Variants in PPP2R2B observed in about 807,000 individuals in gnomAD.
The protein encoded by PPP2R2B is serine/threonine-protein phosphatase 2A 55 kDa regulatory subunit B beta isoform.
PPP2R2B carries 5 observed loss-of-function variants against 46.0 expected under a neutral mutation model. The observed-to-expected ratio is 0.11, with a 90% confidence interval of 0.06 to 0.23. The LOEUF is 0.23. Among genes scored for constraint, PPP2R2B ranks in the 10% least tolerant of loss-of-function variants. PPP2R2B has a pLI of 1.00. For synonymous variants in PPP2R2B, 215 were observed against 206.7 expected, an observed-to-expected ratio of 1.04 and a Z score of -0.34; for missense variants, 367 against 575.0, an observed-to-expected ratio of 0.64 and a Z score of 3.70.
chr5:146,656,434 AGTGCACTG>A, intron 5 of PPP2R2B: 1 of 152,634 alleles, frequency 6.6e-6, no homozygotes, highest in Admixed American at 6.6e-5. Flanking sequence ...CCCAGGCTGG[AGTGCACTG>A]GTGATTCACA....
chr5:146,707,651 G>C (rs1469967075), intron 2 of PPP2R2B: 1 of 575,486 alleles, frequency 1.7e-6, no homozygotes, highest in African/African-American at 1.9e-5. Context: ...GATTCCAGAA[G>C]GAGTGGAGAA....
At chr5:146,682,736 C>G (rs1778259481) in intron 5 of PPP2R2B, among the ~76,000 whole-genome samples, 1 of 152,176 alleles carries the variant, frequency 6.6e-6, no homozygotes, top group Admixed American at 6.6e-5. Flanking sequence ...AGGCTGTCCC[C>G]CATGACTTGA....
intron 1 of PPP2R2B, among the ~76,000 whole-genome samples, chr5:147,011,981 A>G (rs1252059699): frequency 2.1e-5 from 3 of 144,868 alleles, no homozygotes; most frequent in African/African-American, 5.0e-5. Context: ...TCGGTTTGCC[A>G]GTATTTTATT....
chr5:147,059,156 T>C (rs74774435), upstream of PPP2R2B, among the ~76,000 whole-genome samples: 1,220 of 152,248 alleles, frequency 8.0e-3, 22 homozygotes, highest in African/African-American at 0.028. Context: ...ACCCCTGCTC[T>C]AAAGAAGTGC....
At chr5:146,606,710 T>G (rs565138058) in intron 7 of PPP2R2B, among the ~76,000 whole-genome samples, 1 of 152,294 alleles carries the variant, frequency 6.6e-6, no homozygotes. Context: ...TACTGATTTC[T>G]GGGTTTTCTG....
intron 1 of PPP2R2B, among the ~76,000 whole-genome samples, chr5:146,963,748 C>T (rs748150521): frequency 1.1e-4 from 16 of 152,140 alleles, no homozygotes; most frequent in Non-Finnish European, 1.6e-4. Flanking sequence ...CTGCTAACAC[C>T]TTGCACAGCC....
intron 1 of PPP2R2B, among the ~76,000 whole-genome samples, chr5:147,003,256 C>T (rs1264368983): frequency 3.3e-5 from 5 of 152,088 alleles, no homozygotes; most frequent in Non-Finnish European, 7.4e-5. Flanking sequence ...TAAGCCTCCT[C>T]TAATCTCCCC....
At chr5:146,895,994 G>A (rs551471004) in intron 1 of PPP2R2B, among the ~76,000 whole-genome samples, 8 of 152,132 alleles carry the variant, frequency 5.3e-5, no homozygotes, top group African/African-American at 1.4e-4. Context: ...ATTACTGTTT[G>A]ACAATTCATC....
At chr5:146,983,402 G>C (rs549055074) in intron 1 of PPP2R2B, among the ~76,000 whole-genome samples, 5 of 152,024 alleles carry the variant, frequency 3.3e-5, no homozygotes, top group South Asian at 4.1e-4. Flanking sequence ...GGATGGTCTT[G>C]ATCTCCTGAC....
intron 2 of PPP2R2B, among the ~76,000 whole-genome samples, chr5:146,751,889 G>A (rs562633213): frequency 1.3e-5 from 2 of 152,314 alleles, no homozygotes; most frequent in South Asian, 4.2e-4. Flanking sequence ...CAAAGAGCCT[G>A]ACGCAGGAGC....
At chr5:146,856,820 C>G (rs1489490619) in intron 2 of PPP2R2B, among the ~76,000 whole-genome samples, 2 of 152,154 alleles carry the variant, frequency 1.3e-5, no homozygotes, top group African/African-American at 4.8e-5. Flanking sequence ...AGAAGACAGA[C>G]AGAGAGCCAC....
chr5:146,951,036 G>T (rs988848226), intron 1 of PPP2R2B, among the ~76,000 whole-genome samples: 2 of 151,956 alleles, frequency 1.3e-5, no homozygotes, highest in African/African-American at 4.8e-5. Context: ...GATTTTTCAT[G>T]ATTGAAAGAC....
intron 2 of PPP2R2B, among the ~76,000 whole-genome samples, chr5:146,826,569 C>A (rs1758590800): frequency 6.6e-6 from 1 of 152,142 alleles, no homozygotes; most frequent in African/African-American, 2.4e-5. Context: ...TACCACCTAC[C>A]AATTTACCAA....
At chr5:147,055,555 A>C (rs1390871163) in intron 1 of PPP2R2B, 2 of 925,704 alleles carry the variant, frequency 2.2e-6, no homozygotes, top group Non-Finnish European at 3.4e-6. Context: ...TTTGCCAGGA[A>C]TGACAGTCAC....
At chr5:146,920,021 A>C (rs1305973719) in intron 1 of PPP2R2B, among the ~76,000 whole-genome samples, 3 of 152,160 alleles carry the variant, frequency 2.0e-5, no homozygotes, top group Non-Finnish European at 4.4e-5. Context: ...TGGGCTTACA[A>C]ATATAAGTAA....
At chr5:146,644,917 C>A (rs1276413119) in intron 6 of PPP2R2B, among the ~76,000 whole-genome samples, 1 of 152,172 alleles carries the variant, frequency 6.6e-6, no homozygotes, top group East Asian at 1.9e-4. Flanking sequence ...GCTGATTTTG[C>A]TAATACTGAC....
Position 146,697,999 on chromosome 5 carries a change from T to G in PPP2R2B, c.314A>C (p.Tyr105Ser). Residue 105 changes from tyrosine (Y) to serine (S), a missense_variant, in exon 4 of 10, where the codon TAC becomes TCC. Transcript: ENST00000394411. Reference protein sequence around the residue: ...IRWLPQQNAAYFLLSTNDKTV... With the variant: ...IRWLPQQNAASFLLSTNDKTV... Reference sequence around the variant, plus strand: ...CCTACCATTAGTAGACAGAAGAAAGTAAGCTGCATTCTGCTGGGGGAGCCA... The same window carrying G: ...CCTACCATTAGTAGACAGAAGAAAGGAAGCTGCATTCTGCTGGGGGAGCCA... The G allele has an allele frequency of 6.2e-7, 1 of 1,612,242 alleles. No individual in the cohort carries two copies. The highest frequency in any genetic ancestry group is 1.7e-5 in the Admixed American group (1 of 59,706).
chr5:146,665,841 G>A (rs1034041198), intron 5 of PPP2R2B, among the ~76,000 whole-genome samples: 1 of 152,146 alleles, frequency 6.6e-6, no homozygotes, highest in Non-Finnish European at 1.5e-5. Context: ...GGATAATAAT[G>A]AAAACATTTG....
chr5:146,818,260 C>T (rs539773342), intron 2 of PPP2R2B, among the ~76,000 whole-genome samples: 8 of 151,924 alleles, frequency 5.3e-5, no homozygotes, highest in Non-Finnish European at 1.0e-4. Context: ...GCACTTAGTA[C>T]TGTGTCTGGC....
Sources: allele counts gnomAD v4.1 joint callset (sites outside exome capture counted in the v4.1 genomes callset), GRCh38; gene constraint gnomAD v4.1.1; transcripts MANE v1.5; gene names NCBI Gene and HGNC (gene_info 2026-07-23, HGNC 2026-07-21).